Variants in GATA5 observed in about 807,000 individuals in gnomAD.
The protein encoded by GATA5 is GATA binding protein 5.
A neutral mutation model predicts 35.0 loss-of-function variants in GATA5; 27 were observed. The ratio of observed to expected loss-of-function variants is 0.77; its 90% CI spans 0.57 to 1.06. GATA5 has a LOEUF of 1.06. Among genes scored for constraint, GATA5 ranks in the 50% least tolerant of loss-of-function variants. The pLI is 0.00. For synonymous variants in GATA5, 306 were observed against 267.8 expected (o/e 1.14, Z -1.39); for missense variants, 612 against 580.0 (o/e 1.06, Z -0.57).
chr20:62,473,428 G>A lies in GATA5; in HGVS notation c.674C>T (p.Pro225Leu), dbSNP rs782112827. 2.1e-5 allele frequency: 33 copies of A among 1,609,568 alleles called. No homozygotes were observed. The highest frequency in any genetic ancestry group is 1.3e-4 in the Admixed American group (8 of 59,658). ...LYHKMNGVNRPLVRPQKRLSS... is the reference protein window; with the variant it reads ...LYHKMNGVNRLLVRPQKRLSS... ...CAGGCGCTTCTGAGGCCGAACGAGCGGCCGGTTGACGCCATTCATCTTGTG... is the reference window on the plus strand; with the variant it reads ...CAGGCGCTTCTGAGGCCGAACGAGCAGCCGGTTGACGCCATTCATCTTGTG... The change falls in exon 3 of 7, where the codon CCG becomes CTG. Residue 225 changes from proline to leucine, a missense_variant. Pro to Leu is a moderately conservative substitution (Grantham distance 98, BLOSUM62 -3). Transcript: ENST00000252997.
chr20:62,466,578 A>G, intron 3 of GATA5, 27 bp from the exon 4 acceptor site: 3 of 1,537,264 alleles, frequency 2.0e-6, no homozygotes, highest in Non-Finnish European at 1.8e-6. Context: ...GACTGGAGTG[A>G]GCCCCGGGCC....
chr20:62,473,438 C>T lies in GATA5; in HGVS notation c.664G>A (p.Val222Ile), dbSNP rs116503780. 15 of 1,610,630 alleles carry T rather than the reference C, an allele frequency of 9.3e-6. No homozygotes were observed. Among genetic ancestry groups the T allele is most frequent in the African/African-American group, 5.3e-5 (4 of 74,890 alleles). Reference protein sequence around the residue: ...ACGLYHKMNGVNRPLVRPQKR... With the variant: ...ACGLYHKMNGINRPLVRPQKR... ...TGAGGCCGAACGAGCGGCCGGTTGACGCCATTCATCTTGTGGTAGAGGCCG... is the reference window on the plus strand; with the variant it reads ...TGAGGCCGAACGAGCGGCCGGTTGATGCCATTCATCTTGTGGTAGAGGCCG... Residue 222 changes from valine to isoleucine, a missense_variant, in exon 3 of 7, where the codon GTC becomes ATC. By Grantham distance (29) the Val-to-Ile change is conservative. Coordinates refer to ENST00000252997, the MANE Select transcript of GATA5 (RefSeq NM_080473.5).
rs1410475805 is a variant in GATA5, at chr20:62,475,343, G to A, written c.179C>T (p.Ala60Val). ...GGCTGTCTGCGCCCAGCCGGGGCGC[G>A]CAGCGAGCTCGGGGGGCTGCGGGCT... ...EPSPQPPELA[A>V]RPGWAQTATA... The change falls in exon 2 of 7, where the codon GCG becomes GTG. Residue 60 changes from alanine to valine, a missense_variant. Coordinates refer to ENST00000252997, the MANE Select transcript of GATA5 (RefSeq NM_080473.5). The A allele has an allele frequency of 8.0e-7, 1 of 1,255,006 alleles. No individual in the cohort carries two copies. Among genetic ancestry groups the A allele is most frequent in the South Asian group, 3.3e-5 (1 of 30,632 alleles). 77.7% of individuals were successfully genotyped at this position (1,255,006 alleles called of 1,614,324 possible).
Position 62,475,505 on chromosome 20 carries a change from G to A in GATA5, c.17C>T (p.Ala6Val). Residue 6 changes from alanine to valine, a missense_variant, in exon 2 of 7, where the codon GCG becomes GTG. Coordinates refer to ENST00000252997, the MANE Select transcript of GATA5 (RefSeq NM_080473.5). ...GGCCTGGCGGGGGCTCGCGGCCAGC[G>A]CCAGGCTCTGGTACATCCTCCCAGG... is the stretch of plus-strand genomic sequence containing the variant. MYQSLALAASPRQAAY... is the reference protein window; with the variant it reads MYQSLVLAASPRQAAY... 1 of 1,320,660 alleles carries A rather than the reference G, an allele frequency of 7.6e-7. No homozygotes were observed. The allele number at this position is 1,320,660 out of a possible 1,614,324, so 81.8% of individuals were successfully genotyped here.
chr20:62,474,734 T>C lies in GATA5; in HGVS notation c.523+265A>G, dbSNP rs1367902742. ...CAAAAACAAAAACGATTAAGACTTTTGAGGCTCCACATTGGCACAATCCGG... is the reference window on the plus strand; with the variant it reads ...CAAAAACAAAAACGATTAAGACTTTCGAGGCTCCACATTGGCACAATCCGG... On this transcript the variant is annotated intron_variant, in intron 2 of 6. Transcript: ENST00000252997. Among the ~76,000 whole-genome samples the C allele has an allele frequency of 4.6e-5, 7 of 152,264 alleles. No individual in the cohort carries two copies. In the East Asian group the frequency reaches 1.3e-3, roughly 29 times the overall value.
At chr20:62,473,712 G>A (rs1989781124) in intron 2 of GATA5, 134 bp from the exon 3 acceptor site, 1 of 726,330 alleles carries the variant, frequency 1.4e-6, no homozygotes, top group Non-Finnish European at 2.3e-6. Flanking sequence ...CACAAATCTT[G>A]TGCCTTAGAT....
intron 3 of GATA5, among the ~76,000 whole-genome samples, chr20:62,471,240 C>G (rs1445455869): frequency 6.6e-6 from 1 of 152,026 alleles, no homozygotes; most frequent in Admixed American, 6.6e-5. Context: ...GTGCTCAGTT[C>G]AAGGCCTGGC....
Position 62,465,927 on chromosome 20 carries a change from AG to A in GATA5, c.826-7del. On this transcript the variant is annotated splice_region_variant and splice_polypyrimidine_tract_variant and intron_variant, in intron 4 of 6. Transcript: ENST00000252997. ...ATAGCCAGAGGCCGCGGCACCTGGCAGGGGTGGCGAGGGTGGAGGCTGGTCC... is the reference window on the plus strand; with the variant it reads ...ATAGCCAGAGGCCGCGGCACCTGGCAGGGTGGCGAGGGTGGAGGCTGGTCC... 6.4e-7 allele frequency: 1 copy of A among 1,573,674 alleles called. No individual in the cohort carries two copies. Among genetic ancestry groups the A allele is most frequent in the Non-Finnish European group, 8.6e-7 (1 of 1,159,014 alleles).
intron 4 of GATA5, 53 bp from the exon 5 acceptor site, chr20:62,465,974 C>T: frequency 7.9e-7 from 1 of 1,269,866 alleles, no homozygotes; most frequent in Non-Finnish European, 1.1e-6. Context: ...CACCCCGGGC[C>T]CCTTGCACAG....
In GATA5 at chr20:62,466,555, TG is replaced by T. The variant is rs1555896121; in HGVS notation, c.700-5del. ...GGCCGGCGCGGCGGGACGAGGACTG[TG>T]GGGGCGAGGGAGACTGGAGTGAGCC... On this transcript the variant is annotated splice_region_variant and splice_polypyrimidine_tract_variant and intron_variant, in intron 3 of 6. Transcript: ENST00000252997. The T allele has an allele frequency of 2.6e-6, 4 of 1,547,668 alleles. No individual in the cohort carries two copies. Among genetic ancestry groups the T allele is most frequent in the Non-Finnish European group, 2.6e-6 (3 of 1,147,022 alleles).
At chr20:62,466,658 GAGA>G (rs1989600448) in intron 3 of GATA5, 107 bp from the exon 4 acceptor site, 2 of 1,322,256 alleles carry the variant, frequency 1.5e-6, no homozygotes, top group South Asian at 1.4e-5. Context: ...AGGACCCGGT[GAGA>G]AGGTCGTGAG....
At chr20:62,465,310 T>C in intron 6 of GATA5, 30 bp downstream of exon 6, 1 of 1,572,440 alleles carries the variant, frequency 6.4e-7, no homozygotes, top group Non-Finnish European at 8.6e-7. Flanking sequence ...GCCCCAGCTC[T>C]GGGCACCCCA....
At chr20:62,474,766 GTT>G (rs1463337026) in intron 2 of GATA5, among the ~76,000 whole-genome samples, 1 of 152,280 alleles carries the variant, frequency 6.6e-6, no homozygotes, top group Non-Finnish European at 1.5e-5. Flanking sequence ...CCGGAATGCT[GTT>G]TGGAAATAGA....
rs116137784 is a variant in GATA5 at position 62,473,313 on chromosome 20, C to G, written c.699+90G>C. ...TTGGGACACTCCCTACCCCCTACCCCAGGGGCTCTGGTGTCACCTGGGTGG... is the reference window on the plus strand; with the variant it reads ...TTGGGACACTCCCTACCCCCTACCCGAGGGGCTCTGGTGTCACCTGGGTGG... On this transcript the variant is annotated intron_variant, in intron 3 of 6. Coordinates refer to ENST00000252997, the MANE Select transcript of GATA5 (RefSeq NM_080473.5). 2.5e-3 allele frequency: 3,656 copies of G among 1,438,076 alleles called. 77 individuals are homozygous for G. In the African/African-American group the frequency reaches 0.046, roughly 18 times the overall value. The allele number at this position is 1,438,076 out of a possible 1,614,324, so 89.1% of individuals were successfully genotyped here. A position where few individuals can be genotyped will look rare whatever the true frequency, so the allele number is the denominator to read the frequency against.
At position 62,475,268 on chromosome 20, in the gene GATA5, G is replaced by A; in HGVS notation, c.254C>T (p.Ala85Val). ...GAAGGCGGTGGCCCCGGGCGGGTGCGCGGCTGGGGGGTGCGGACTGCCCGG... is the reference window on the plus strand; with the variant it reads ...GAAGGCGGTGGCCCCGGGCGGGTGCACGGCTGGGGGGTGCGGACTGCCCGG... ...FGPGSPHPPA[A>V]HPPGATAFPF... is the part of the protein sequence containing the mutation. Residue 85 changes from alanine (A) to valine (V), a missense_variant, in exon 2 of 7, where the codon GCG (alanine) becomes GTG (valine). Physicochemically the swap from Ala to Val is moderately conservative, Grantham distance 64 (BLOSUM62 0). Transcript: ENST00000252997. 1 of 1,244,330 alleles carries A rather than the reference G, an allele frequency of 8.0e-7. No individual in the cohort carries two copies. The highest frequency in any genetic ancestry group is 1.0e-6 in the Non-Finnish European group (1 of 994,266). The allele number at this position is 1,244,330 out of a possible 1,614,324, so 77.1% of individuals were successfully genotyped here. A position where few individuals can be genotyped will look rare whatever the true frequency, so the allele number is the denominator to read the frequency against.
rs782726884 is a variant in GATA5 at position 62,474,985 on chromosome 20, G to A, written c.523+14C>T. On this transcript the variant is annotated intron_variant, in intron 2 of 6. Transcript: ENST00000252997. ...CGCTCCTGGGCCCCGAGACTGTGGA[G>A]CCCCCGCACTCACCGAAGGTGGGCC... The A allele has an allele frequency of 3.6e-5, 47 of 1,310,932 alleles. No homozygotes were observed. Among genetic ancestry groups the A allele is most frequent in the Non-Finnish European group, 4.4e-5 (45 of 1,026,930 alleles). 81.2% of individuals were successfully genotyped at this position (1,310,932 alleles called of 1,614,324 possible). A position where few individuals can be genotyped will look rare whatever the true frequency, so the allele number is the denominator to read the frequency against.
chr20:62,468,306 C>T (rs887414089), intron 3 of GATA5, among the ~76,000 whole-genome samples: 1 of 152,260 alleles, frequency 6.6e-6, no homozygotes, highest in Non-Finnish European at 1.5e-5. Flanking sequence ...TCTGTTATAG[C>T]CTGCCTCGGT....
At chr20:62,473,618 C>G (rs1555896807) in intron 2 of GATA5, 40 bp from the exon 3 acceptor site, 1 of 1,542,604 alleles carries the variant, frequency 6.5e-7, no homozygotes, top group Non-Finnish European at 8.8e-7. Context: ...GCCCTCCCCT[C>G]CCCAGGATCC....
rs916077025 is a variant in GATA5 at position 62,470,893 on chromosome 20, C to T, written c.699+2510G>A. Among the ~76,000 whole-genome samples the T allele has an allele frequency of 4.6e-5, 7 of 152,172 alleles. No individual in the cohort carries two copies. The highest frequency in any genetic ancestry group is 1.0e-4 in the Non-Finnish European group (7 of 68,028). ...GTAAACAGGGTCCTCCCCCAGGAGGCACCCCAAAGCCCACCCTGTCTACCC... is the reference window on the plus strand; with the variant it reads ...GTAAACAGGGTCCTCCCCCAGGAGGTACCCCAAAGCCCACCCTGTCTACCC... On this transcript the variant is annotated intron_variant, in intron 3 of 6. Coordinates refer to ENST00000252997, the MANE Select transcript of GATA5 (RefSeq NM_080473.5). The surrounding 1 kb of genome is among the most constrained non-coding windows in gnomAD (Gnocchi z 4.6).
Sources: gnomAD v4.1 joint callset for allele counts (sites outside exome capture counted in the v4.1 genomes callset) on GRCh38, gnomAD v4.1.1 for gene constraint, Gnocchi (gnomAD v3.1) non-coding constraint, MANE v1.5 for transcripts, NCBI Gene and HGNC (gene_info 2026-07-23, HGNC 2026-07-21) for gene names.